Variants in BCAS3 observed in about 807,000 individuals in gnomAD.
The protein encoded by BCAS3 is BCAS3 microtubule associated cell migration factor, also known as BCAS4/BCAS3 fusion.
BCAS3 carries 53 observed loss-of-function variants against 116.1 expected under a neutral mutation model. The ratio of observed to expected loss-of-function variants is 0.46; its 90% CI spans 0.37 to 0.57. The LOEUF (loss-of-function observed/expected upper bound fraction) is 0.57. Among genes scored for constraint, BCAS3 ranks in the 20% least tolerant of loss-of-function variants. The pLI, the probability that BCAS3 is intolerant of heterozygous loss-of-function variation, is 0.00. For synonymous variants in BCAS3, 391 were observed against 408.2 expected, an observed-to-expected ratio of 0.96 and a Z score of 0.51; for missense variants, 917 against 1,165.4, an observed-to-expected ratio of 0.79 and a Z score of 3.10.
In BCAS3 at chr17:61,122,612, G is replaced by A. The variant is rs2075840990; in HGVS notation, c.2425+38048G>A. ...AGATGATCTCCACAGGATTTTGGCAGGTCAGAACAAACATTATCTTGCTCC... is the reference window on the plus strand; with the variant it reads ...AGATGATCTCCACAGGATTTTGGCAAGTCAGAACAAACATTATCTTGCTCC... On this transcript the variant is annotated intron_variant, in intron 22 of 23. Coordinates refer to ENST00000407086, the MANE Select transcript of BCAS3 (RefSeq NM_017679.5). The surrounding 1 kb of genome is among the most constrained non-coding windows in gnomAD (Gnocchi z 4.6). Among the ~76,000 whole-genome samples, 1 of 152,118 alleles carries A rather than the reference G, an allele frequency of 6.6e-6. No homozygotes were observed.
At chr17:61,016,121 A>T (rs753665628) in intron 16 of BCAS3, among the ~76,000 whole-genome samples, 3 of 152,222 alleles carry the variant, frequency 2.0e-5, no homozygotes, top group Non-Finnish European at 2.9e-5. Flanking sequence ...CAAAACAGTG[A>T]CAAGCTGTGA....
intron 14 of BCAS3, among the ~76,000 whole-genome samples, chr17:60,985,190 G>A (rs976313744): frequency 1.4e-5 from 2 of 142,364 alleles, no homozygotes; most frequent in Non-Finnish European, 3.0e-5. Flanking sequence ...TTGCTGCCCA[G>A]GTGGGAGTGC....
chr17:60,835,185 A>G lies in BCAS3; in HGVS notation c.476+27109A>G, dbSNP rs2051265944. Among the ~76,000 whole-genome samples the G allele has an allele frequency of 4.6e-5, 7 of 151,926 alleles. No individual in the cohort carries two copies. In the South Asian group the frequency reaches 1.2e-3, roughly 27 times the overall value. On this transcript the variant is annotated intron_variant, in intron 7 of 23. Coordinates refer to ENST00000407086, the MANE Select transcript of BCAS3 (RefSeq NM_017679.5). ...TTCCAAAATTAAAAAATAATGAACA[A>G]TTTATTAATATTTTTGCTATTAAAG...
In BCAS3 at chr17:61,037,444, G is replaced by C. The variant is rs1012590796; in HGVS notation, c.1763-445G>C. On this transcript the variant is annotated intron_variant, in intron 17 of 23. Coordinates refer to ENST00000407086, the MANE Select transcript of BCAS3 (RefSeq NM_017679.5). The surrounding 1 kb of genome is among the most constrained non-coding windows in gnomAD (Gnocchi z 4.7). ...ATTCACTAGCATGTGCTTATACGAG[G>C]CAACCTTTAGGCAAGGAACAAGCAC... 2.6e-5 allele frequency among the ~76,000 whole-genome samples: 4 copies of C among 152,126 alleles called. No individual in the cohort carries two copies. Among genetic ancestry groups the C allele is most frequent in the Admixed American group, 6.6e-5 (1 of 15,260 alleles).
At position 61,041,006 on chromosome 17, in the gene BCAS3, A is replaced by G; in HGVS notation, c.2029+114A>G. On this transcript the variant is annotated intron_variant, in intron 19 of 23. Coordinates refer to ENST00000407086, the MANE Select transcript of BCAS3 (RefSeq NM_017679.5). This position sits in a 1 kb window ranked among gnomAD's most constrained non-coding sequence, Gnocchi z 4.7. The stretch of plus-strand genomic sequence containing the variant: ...GGTCCATAGGCCATGGGCCTTAAAG[A>G]ATCAGTTTGAGGCAAATAAGATATT... 2.4e-6 allele frequency: 2 copies of G among 820,680 alleles called. No individual in the cohort carries two copies. The highest frequency in any genetic ancestry group is 2.5e-5 in the East Asian group (1 of 40,274). 50.8% of individuals were successfully genotyped at this position (820,680 alleles called of 1,614,324 possible). A position where few individuals can be genotyped will look rare whatever the true frequency, so the allele number is the denominator to read the frequency against.
Position 61,189,295 on chromosome 17 carries a change from G to A in BCAS3, c.2425+104731G>A, listed in dbSNP as rs1318047103. On this transcript the variant is annotated intron_variant, in intron 22 of 23. Transcript: ENST00000407086. The surrounding 1 kb of genome is among the most constrained non-coding windows in gnomAD (Gnocchi z 4.5). ...GGTAGAGAAGATAAGCATAAGTGAA[G>A]GCACAGTAGCAAGAGAAGCCATGGT... Among the ~76,000 whole-genome samples the A allele has an allele frequency of 6.6e-6, 1 of 152,186 alleles. No homozygotes were observed. The highest frequency in any genetic ancestry group is 1.9e-4 in the East Asian group (1 of 5,200).
intron 22 of BCAS3, chr17:61,086,709 A>G (rs2073119075): frequency 1.0e-6 from 1 of 985,280 alleles, no homozygotes; most frequent in Admixed American, 6.2e-5. Context: ...GCCTGTTTTC[A>G]TTCCAGGAAG....
chr17:60,841,448 C>G (rs1270348912), intron 7 of BCAS3, among the ~76,000 whole-genome samples: 1 of 149,966 alleles, frequency 6.7e-6, no homozygotes, highest in Admixed American at 6.6e-5. Context: ...GGCACAATCT[C>G]GGCTTACTGC....
At chr17:61,246,826 T>C (rs1317358077) in intron 22 of BCAS3, among the ~76,000 whole-genome samples, 1 of 151,410 alleles carries the variant, frequency 6.6e-6, no homozygotes, top group East Asian at 1.9e-4. Flanking sequence ...TGTGTGTGTG[T>C]GTGTATGTGT....
chr17:61,009,845 C>T (rs2064985948), intron 15 of BCAS3, among the ~76,000 whole-genome samples: 1 of 151,998 alleles, frequency 6.6e-6, no homozygotes, highest in Non-Finnish European at 1.5e-5. Context: ...CTGGCAGCTT[C>T]TGCACAGAGG....
Position 60,990,032 on chromosome 17 carries a change from C to T in BCAS3, c.1283C>T (p.Thr428Ile). Residue 428 changes from threonine (T) to isoleucine (I), a missense_variant, in exon 15 of 24, where the codon ACT becomes ATT. Thr to Ile is a moderately conservative substitution (Grantham distance 89). Coordinates refer to ENST00000407086, the MANE Select transcript of BCAS3 (RefSeq NM_017679.5). This position sits in a 1 kb window ranked among gnomAD's most constrained non-coding sequence, Gnocchi z 5.1. ...RWVVVSTLRG[T>I]SHVFPINPYG... ...GTTGTGGTCAGTACTCTCCGGGGTA[C>T]TTCCCACGTTTTCCCCATCAACCCT... The T allele has an allele frequency of 6.2e-7, 1 of 1,614,186 alleles. No homozygotes were observed. Among genetic ancestry groups the T allele is most frequent in the Non-Finnish European group, 8.5e-7 (1 of 1,180,036 alleles).
chr17:60,711,959 C>T (rs902293115), intron 5 of BCAS3, among the ~76,000 whole-genome samples: 10 of 151,700 alleles, frequency 6.6e-5, no homozygotes, highest in Admixed American at 2.0e-4. Context: ...GTCAGGAATT[C>T]GAGACCAGCC....
At chr17:60,841,546 A>ATT (rs754447784) in intron 7 of BCAS3, among the ~76,000 whole-genome samples, 3,065 of 123,416 alleles carry the variant, frequency 0.025, 144 homozygotes, top group East Asian at 0.083. Context: ...CACCTGGCTA[A>ATT]TTTTTTTTTT....
At chr17:61,066,473 T>C (rs1187352945) in intron 19 of BCAS3, among the ~76,000 whole-genome samples, 2 of 152,188 alleles carry the variant, frequency 1.3e-5, no homozygotes, top group African/African-American at 2.4e-5. Flanking sequence ...GATACAGATA[T>C]TTTTATTTTT....
At chr17:60,900,221 GA>G (rs2057794444) in intron 10 of BCAS3, 2 of 149,524 alleles carry the variant, frequency 1.3e-5, no homozygotes, top group African/African-American at 5.1e-5. Flanking sequence ...AAAAGAAAAA[GA>G]AAATATTGTC....
At chr17:61,024,900 T>C (rs1377171477) in intron 16 of BCAS3, among the ~76,000 whole-genome samples, 1 of 152,044 alleles carries the variant, frequency 6.6e-6, no homozygotes, top group Non-Finnish European at 1.5e-5. Context: ...ATCAATATGC[T>C]GATGTTCTGG....
At position 61,323,378 on chromosome 17, in the gene BCAS3, A is replaced by T. The variant is rs150840045; in HGVS notation, c.2426-44949A>T. On this transcript the variant is annotated intron_variant, in intron 22 of 23. Transcript: ENST00000407086. This position sits in a 1 kb window ranked among gnomAD's most constrained non-coding sequence, Gnocchi z 4.6. ...ATAAGTAGTGCAGTGAGCAGTTAGC[A>T]TAAGGGAGTTCCAGCCCCGGGTTCT... 6.6e-6 allele frequency among the ~76,000 whole-genome samples: 1 copy of T among 152,212 alleles called. No individual in the cohort carries two copies. The highest frequency in any genetic ancestry group is 1.9e-4 in the East Asian group (1 of 5,194).
rs567565435 is a variant in BCAS3 at position 60,833,172 on chromosome 17, T to C, written c.476+25096T>C. 8.5e-5 allele frequency among the ~76,000 whole-genome samples: 13 copies of C among 152,290 alleles called. No individual in the cohort carries two copies. The East Asian group carries it at 2.3e-3, about 27-fold the overall frequency. On this transcript the variant is annotated intron_variant, in intron 7 of 23. Coordinates refer to ENST00000407086, the MANE Select transcript of BCAS3 (RefSeq NM_017679.5). ...GCGAGCCACTGTACCTGGCCCATTTTATATATTCTAAAAGAATCCAATTTT... is the reference window on the plus strand; with the variant it reads ...GCGAGCCACTGTACCTGGCCCATTTCATATATTCTAAAAGAATCCAATTTT...
intron 22 of BCAS3, among the ~76,000 whole-genome samples, chr17:61,158,958 TC>T (rs2078013255): frequency 6.6e-6 from 1 of 152,194 alleles, no homozygotes; most frequent in Non-Finnish European, 1.5e-5. Context: ...CATATTTTCT[TC>T]ACACAATTTA....
Sources: allele counts gnomAD v4.1 joint callset (sites outside exome capture counted in the v4.1 genomes callset), GRCh38; gene constraint gnomAD v4.1.1; non-coding constraint Gnocchi (gnomAD v3.1); transcripts MANE v1.5; gene names NCBI Gene and HGNC (gene_info 2026-07-23, HGNC 2026-07-21).